Variants in GPR158 observed in about 807,000 individuals in gnomAD.
The protein encoded by GPR158 is metabotropic glycine receptor.
GPR158 carries 30 observed loss-of-function variants against 78.2 expected under a neutral mutation model. That is an observed-to-expected ratio of 0.38 (90% CI 0.29 to 0.52). The LOEUF (loss-of-function observed/expected upper bound fraction) is 0.52, where lower values mean the gene tolerates loss of function less well. Ranked by LOEUF, GPR158 falls within the 20% of genes least tolerant of loss-of-function variation. The pLI is 0.83. For synonymous variants in GPR158, 581 were observed against 591.1 expected (o/e 0.98, Z 0.25); for missense variants, 1,463 against 1,523.5 (o/e 0.96, Z 0.66).
chr10:25,192,025 C>A (rs1852777565), intron 1 of GPR158, among the ~76,000 whole-genome samples: 1 of 152,112 alleles, frequency 6.6e-6, no homozygotes, highest in Non-Finnish European at 1.5e-5. Context: ...TATTCAGTGC[C>A]TGATACGGTT....
intron 5 of GPR158, among the ~76,000 whole-genome samples, chr10:25,520,852 A>G (rs1303163004): frequency 6.6e-6 from 1 of 152,218 alleles, no homozygotes; most frequent in African/African-American, 2.4e-5. Flanking sequence ...GGTGGAGCCT[A>G]CAGAGGCAGG....
Position 25,343,657 on chromosome 10 carries a change from C to A in GPR158, c.1009-52254C>A, listed in dbSNP as rs968772053. ...GAAAACTGTTCTTGGACTTAATCCC[C>A]AAAATGTTTTCAATTAATACATCTA... On this transcript the variant is annotated intron_variant, in intron 2 of 10. Coordinates refer to ENST00000376351, the MANE Select transcript of GPR158 (RefSeq NM_020752.3). 1.5e-4 allele frequency among the ~76,000 whole-genome samples: 23 copies of A among 151,926 alleles called. 1 individual carries two copies. Among genetic ancestry groups the A allele is most frequent in the Non-Finnish European group, 7.4e-5 (5 of 67,914 alleles).
chr10:25,525,069 T>C (rs1836329598), intron 5 of GPR158, among the ~76,000 whole-genome samples: 1 of 152,120 alleles, frequency 6.6e-6, no homozygotes. Context: ...CACAATGTGA[T>C]AACACTTCAC....
chr10:25,343,387 C>G (rs1855331085), intron 2 of GPR158, among the ~76,000 whole-genome samples: 2 of 151,982 alleles, frequency 1.3e-5, no homozygotes, highest in African/African-American at 4.8e-5. Context: ...CACTATATCT[C>G]TTACTATTGT....
intron 3 of GPR158, among the ~76,000 whole-genome samples, chr10:25,397,187 T>C (rs1231149066): frequency 6.6e-6 from 1 of 152,244 alleles, no homozygotes; most frequent in Non-Finnish European, 1.5e-5. Context: ...GAAGTGATTA[T>C]ACAGGGCTTC....
chr10:25,393,992 C>G lies in GPR158; in HGVS notation c.1009-1919C>G, dbSNP rs567464902. 3.3e-5 allele frequency: 5 copies of G among 152,276 alleles called. No homozygotes were observed. The South Asian group carries it at 1.0e-3, about 32-fold the overall frequency. 9.4% of individuals were successfully genotyped at this position (152,276 alleles called of 1,614,324 possible). A position where few individuals can be genotyped will look rare whatever the true frequency, so the allele number is the denominator to read the frequency against. ...CTAAACTTCATACTAGTTTATCAAA[C>G]TACCTATTTGAGATGTAGATCTAAA... On this transcript the variant is annotated intron_variant, in intron 2 of 10. Coordinates refer to ENST00000376351, the MANE Select transcript of GPR158 (RefSeq NM_020752.3).
intron 2 of GPR158, among the ~76,000 whole-genome samples, chr10:25,321,966 TTTA>T (rs1236709031): frequency 6.6e-6 from 1 of 152,220 alleles, no homozygotes; most frequent in Non-Finnish European, 1.5e-5. Context: ...TTTTCTCTCT[TTTA>T]TTCTGAAAAA....
intron 2 of GPR158, among the ~76,000 whole-genome samples, chr10:25,336,411 C>T (rs1215029381): frequency 1.3e-5 from 2 of 151,990 alleles, no homozygotes; most frequent in Non-Finnish European, 2.9e-5. Context: ...GGTTGCCTCT[C>T]TGACAACCAT....
chr10:25,297,372 G>T (rs1177301171), intron 2 of GPR158, among the ~76,000 whole-genome samples: 1 of 152,208 alleles, frequency 6.6e-6, no homozygotes, highest in Non-Finnish European at 1.5e-5. Context: ...AGTATTTTAT[G>T]AATGAATCAA....
In GPR158 at chr10:25,175,880, C is replaced by A; in HGVS notation, c.460C>A (p.Leu154Met). The A allele has an allele frequency of 1.2e-6, 2 of 1,613,928 alleles. No homozygotes were observed. The highest frequency in any genetic ancestry group is 1.7e-6 in the Non-Finnish European group (2 of 1,180,020). Residue 154 changes from leucine to methionine, a missense_variant, in exon 1 of 11, where the codon CTG (leucine) becomes ATG (methionine). Coordinates refer to ENST00000376351, the MANE Select transcript of GPR158 (RefSeq NM_020752.3). The surrounding 1 kb of genome is among the most constrained non-coding windows in gnomAD (Gnocchi z 6.4). ...KSREQNLQDDLDWYQALVWSL... is the reference protein window; with the variant it reads ...KSREQNLQDDMDWYQALVWSL... ...GCGGGAGCAGAACTTGCAGGACGACCTGGATTGGTACCAGGCGCTGGTGTG... is the reference window on the plus strand; with the variant it reads ...GCGGGAGCAGAACTTGCAGGACGACATGGATTGGTACCAGGCGCTGGTGTG...
chr10:25,459,112 G>T (rs1194573085), intron 4 of GPR158, among the ~76,000 whole-genome samples: 1 of 152,014 alleles, frequency 6.6e-6, no homozygotes, highest in Admixed American at 6.6e-5. Flanking sequence ...TCAATGTTAA[G>T]ATTCTCTTTA....
At chr10:25,580,204 C>T (rs575648810) in intron 7 of GPR158, among the ~76,000 whole-genome samples, 2 of 152,288 alleles carry the variant, frequency 1.3e-5, no homozygotes, top group South Asian at 4.1e-4. Context: ...AATATTTGTG[C>T]TTTTAGTGAA....
At chr10:25,539,736 T>C (rs1836550186) in intron 5 of GPR158, among the ~76,000 whole-genome samples, 1 of 152,130 alleles carries the variant, frequency 6.6e-6, no homozygotes, top group South Asian at 2.1e-4. Context: ...ACCATGGTTG[T>C]ATAAAGACAC....
intron 4 of GPR158, among the ~76,000 whole-genome samples, chr10:25,422,854 C>CCG (rs1333140627): frequency 6.8e-6 from 1 of 146,996 alleles, no homozygotes. Context: ...TCCCTTACCC[C>CCG]CCCCACACTT....
chr10:25,599,374 A>G lies in GPR158; in HGVS notation c.*100A>G. The G allele has an allele frequency of 2.1e-6, 2 of 935,860 alleles. No homozygotes were observed. The highest frequency in any genetic ancestry group is 3.2e-6 in the Non-Finnish European group (2 of 627,944). 58.0% of individuals were successfully genotyped at this position (935,860 alleles called of 1,614,324 possible). On this transcript the variant is annotated 3_prime_UTR_variant, in exon 11 of 11. Coordinates refer to ENST00000376351, the MANE Select transcript of GPR158 (RefSeq NM_020752.3). ...CCCAAGGAGGATTTGTCAATCAAGGAAAACATGACAGATGGTGAGGTAAAG... is the reference window on the plus strand; with the variant it reads ...CCCAAGGAGGATTTGTCAATCAAGGGAAACATGACAGATGGTGAGGTAAAG...
chr10:25,351,565 A>G (rs965205235), intron 2 of GPR158, among the ~76,000 whole-genome samples: 9 of 151,948 alleles, frequency 5.9e-5, no homozygotes, highest in Non-Finnish European at 1.2e-4. Context: ...AACCAAGGGC[A>G]ACAGATAAAG....
At position 25,401,930 on chromosome 10, in the gene GPR158, T is replaced by C. The variant is rs551545386; in HGVS notation, c.1111+5917T>C. 3.3e-5 allele frequency among the ~76,000 whole-genome samples: 5 copies of C among 152,290 alleles called. No individual in the cohort carries two copies. In the South Asian group the frequency reaches 1.0e-3, roughly 32 times the overall value. On this transcript the variant is annotated intron_variant, in intron 3 of 10. Transcript: ENST00000376351. The stretch of plus-strand genomic sequence containing the variant: ...ATAACATTCAGAACATATTCCTACC[T>C]GGCTTTTAGCAAATTTAGAAACTTT...
At chr10:25,440,296 G>T (rs1008196055) in intron 4 of GPR158, among the ~76,000 whole-genome samples, 3 of 152,134 alleles carry the variant, frequency 2.0e-5, no homozygotes, top group Non-Finnish European at 4.4e-5. Context: ...TAGCCTTGAG[G>T]GGTGGATAGG....
At chr10:25,415,301 G>T (rs1024772251) in intron 4 of GPR158, among the ~76,000 whole-genome samples, 1 of 151,872 alleles carries the variant, frequency 6.6e-6, no homozygotes, top group Admixed American at 6.6e-5. Context: ...ATATATAAAG[G>T]ACACATAACT....
Sources: gnomAD v4.1 joint callset for allele counts (sites outside exome capture counted in the v4.1 genomes callset) on GRCh38, gnomAD v4.1.1 for gene constraint, Gnocchi (gnomAD v3.1) non-coding constraint, MANE v1.5 for transcripts, NCBI Gene and HGNC (gene_info 2026-07-23, HGNC 2026-07-21) for gene names.